The following PCDHGA5 variants were observed in gnomAD, a reference collection of about 807,000 sequenced individuals.
PCDHGA5 encodes protocadherin gamma subfamily A, 5.
Under a neutral mutation model 56.7 loss-of-function variants are expected in PCDHGA5, and 36 were observed. That is an observed-to-expected ratio of 0.64 (90% CI 0.49 to 0.84). The LOEUF (loss-of-function observed/expected upper bound fraction) is 0.84, where lower values mean the gene tolerates loss of function less well. Ranked by LOEUF, PCDHGA5 falls within the 40% of genes least tolerant of loss-of-function variation. PCDHGA5 has a pLI of 0.00. For synonymous variants in PCDHGA5, 563 were observed against 520.2 expected (o/e 1.08, Z -1.12); for missense variants, 1,305 against 1,201.5 (o/e 1.09, Z -1.27).
chr5:141,427,711 A>T, intron 1 of PCDHGA5: 1 of 1,036,498 alleles, frequency 9.6e-7, no homozygotes, highest in Non-Finnish European at 1.5e-6. Context: ...AGCGCCTCTG[A>T]CCTGGACCTA....
chr5:141,457,410 C>G (rs746966828), intron 1 of PCDHGA5, among the ~76,000 whole-genome samples: 1 of 152,182 alleles, frequency 6.6e-6, no homozygotes, highest in Non-Finnish European at 1.5e-5. Context: ...TTTCACATTA[C>G]CCATCCCTTT....
intron 1 of PCDHGA5, chr5:141,423,105 G>C (rs1480411428): frequency 1.9e-6 from 3 of 1,613,920 alleles, no homozygotes; most frequent in East Asian, 4.5e-5. Flanking sequence ...ACACGGGCGA[G>C]GTGCGTACAG....
At chr5:141,448,488 C>A (rs568050769) in intron 1 of PCDHGA5, among the ~76,000 whole-genome samples, 1 of 152,280 alleles carries the variant, frequency 6.6e-6, no homozygotes, top group African/African-American at 2.4e-5. Context: ...TTCCTCCTGT[C>A]CCCTGTAGGT....
intron 1 of PCDHGA5, chr5:141,399,375 C>T (rs548275013): frequency 1.9e-6 from 3 of 1,614,016 alleles, no homozygotes; most frequent in South Asian, 2.2e-5. Flanking sequence ...AGTACAATGT[C>T]ACCATCACAG....
At chr5:141,393,138 C>G (rs2092688516) in intron 1 of PCDHGA5, 1 of 1,613,196 alleles carries the variant, frequency 6.2e-7, no homozygotes, top group Non-Finnish European at 8.5e-7. Flanking sequence ...TATTAACACC[C>G]TGGTTGAGGA....
At chr5:141,423,463 G>T (rs772779471) in intron 1 of PCDHGA5, 22 of 1,613,992 alleles carry the variant, frequency 1.4e-5, no homozygotes, top group Non-Finnish European at 1.8e-5. Context: ...AGGCGTGGAC[G>T]GGGTACAGGC....
chr5:141,422,828 T>C (rs1273420440), intron 1 of PCDHGA5: 2 of 1,614,232 alleles, frequency 1.2e-6, no homozygotes, highest in East Asian at 4.5e-5. Context: ...CTGAGAGTGA[T>C]AGCACGTGAC....
At chr5:141,410,693 A>C in intron 1 of PCDHGA5, 1 of 1,496,902 alleles carries the variant, frequency 6.7e-7, no homozygotes, top group Non-Finnish European at 8.9e-7. Flanking sequence ...ATACTACTTT[A>C]TTTTCATATC....
rs777288812 is a variant in PCDHGA5 at position 141,487,236 on chromosome 5, G to A, written c.2422-7571G>A. The A allele has an allele frequency of 1.7e-5, 28 of 1,613,962 alleles. No homozygotes were observed. The highest frequency in any genetic ancestry group is 1.4e-4 in the South Asian group (13 of 91,070). On this transcript the variant is annotated intron_variant, in intron 1 of 3. Coordinates refer to ENST00000518069, the MANE Select transcript of PCDHGA5 (RefSeq NM_018918.3). This position sits in a 1 kb window ranked among gnomAD's most constrained non-coding sequence, Gnocchi z 5.0. ...TCAGCTCCAAGGGAAGGAGAATCTC[G>A]TCTAACCCTCTACTTGGCTGTGTCC... is the stretch of plus-strand genomic sequence containing the variant.
chr5:141,479,631 A>G (rs191955216), intron 1 of PCDHGA5: 1 of 152,282 alleles, frequency 6.6e-6, no homozygotes, highest in Non-Finnish European at 1.5e-5. Context: ...TCTCTTTAAC[A>G]ATAACAACAA....
At chr5:141,421,564 G>T (rs2096583836) in intron 1 of PCDHGA5, 2 of 1,613,864 alleles carry the variant, frequency 1.2e-6, no homozygotes, top group Admixed American at 3.3e-5. Flanking sequence ...TCTCGTGGAA[G>T]ACACCTTGAA....
At chr5:141,394,874 G>C in intron 1 of PCDHGA5, 3 of 1,613,814 alleles carry the variant, frequency 1.9e-6, no homozygotes, top group South Asian at 1.1e-5. Context: ...CGAACGATTC[G>C]AGCCTTACAC....
In PCDHGA5 at chr5:141,432,827, A is replaced by G. The variant is rs758445645; in HGVS notation, c.2422-61980A>G. ...AGCTAACTCTGAAACCTCAGACCTC[A>G]CTCTGTACCTGGTGGTAGCGGTGGC... On this transcript the variant is annotated intron_variant, in intron 1 of 3. Transcript: ENST00000518069. The surrounding 1 kb of genome is among the most constrained non-coding windows in gnomAD (Gnocchi z 6.0). 9 of 1,613,142 alleles carry G rather than the reference A, an allele frequency of 5.6e-6. No individual in the cohort carries two copies. Among genetic ancestry groups the G allele is most frequent in the Admixed American group, 1.7e-5 (1 of 59,958 alleles).
chr5:141,493,641 G>A lies in PCDHGA5; in HGVS notation c.2422-1166G>A, dbSNP rs547664603. Among the ~76,000 whole-genome samples, 2 of 152,240 alleles carry A rather than the reference G, an allele frequency of 1.3e-5. No individual in the cohort carries two copies. The highest frequency in any genetic ancestry group is 3.9e-4 in the East Asian group (2 of 5,172). On this transcript the variant is annotated intron_variant, in intron 1 of 3. Coordinates refer to ENST00000518069, the MANE Select transcript of PCDHGA5 (RefSeq NM_018918.3). The surrounding 1 kb of genome is among the most constrained non-coding windows in gnomAD (Gnocchi z 4.3). The stretch of plus-strand genomic sequence containing the variant: ...CTAAGAATACAGTGGCTGAGGGCTG[G>A]CCATCCCTGTGCCCTTCTCCATGGC...
chr5:141,404,073 G>A lies in PCDHGA5; in HGVS notation c.2421+37322G>A, dbSNP rs746951310. On this transcript the variant is annotated intron_variant, in intron 1 of 3. Transcript: ENST00000518069. The stretch of plus-strand genomic sequence containing the variant: ...ATTCTTCTTTTCAATGCTCATGACC[G>A]AGACTCCGGGAAGAATGGTCAAGTT... The A allele has an allele frequency of 1.5e-5, 24 of 1,613,602 alleles. No individual in the cohort carries two copies. Among genetic ancestry groups the A allele is most frequent in the Non-Finnish European group, 1.9e-5 (22 of 1,179,684 alleles).
chr5:141,509,601 G>A (rs2099877534), intron 3 of PCDHGA5, among the ~76,000 whole-genome samples: 1 of 152,144 alleles, frequency 6.6e-6, no homozygotes, highest in Non-Finnish European at 1.5e-5. Flanking sequence ...ATTCCGAGAG[G>A]CTGCATTCTA....
intron 1 of PCDHGA5, among the ~76,000 whole-genome samples, chr5:141,475,518 T>C (rs963473660): frequency 1.3e-5 from 2 of 152,356 alleles, no homozygotes; most frequent in East Asian, 1.9e-4. Flanking sequence ...TCCACGGAAA[T>C]GCTAAATGCC....
In PCDHGA5 at chr5:141,489,120, G is replaced by C; in HGVS notation, c.2422-5687G>C. The C allele has an allele frequency of 1.1e-5, 5 of 445,662 alleles. No homozygotes were observed. Among genetic ancestry groups the C allele is most frequent in the East Asian group, 3.8e-5 (1 of 26,010 alleles). The allele number at this position is 445,662 out of a possible 1,614,324, so 27.6% of individuals were successfully genotyped here. ...AACTGCTGCAAGCAGGCAAACCTCC[G>C]AGCAGTTTTTAAGAGGCTGGAAGGA... On this transcript the variant is annotated intron_variant, in intron 1 of 3. Transcript: ENST00000518069. This position sits in a 1 kb window ranked among gnomAD's most constrained non-coding sequence, Gnocchi z 4.5.
intron 1 of PCDHGA5, chr5:141,413,247 C>T (rs1168509242): frequency 1.2e-6 from 2 of 1,613,822 alleles, no homozygotes; most frequent in African/African-American, 2.7e-5. Flanking sequence ...GCCTTTTCTT[C>T]GGGATTCCAT....
Sources: allele counts gnomAD v4.1 joint callset (sites outside exome capture counted in the v4.1 genomes callset), GRCh38; gene constraint gnomAD v4.1.1; non-coding constraint Gnocchi (gnomAD v3.1); transcripts MANE v1.5; gene names NCBI Gene and HGNC (gene_info 2026-07-23, HGNC 2026-07-21).